The following HS3ST5 variants were observed in gnomAD, a reference collection of about 807,000 sequenced individuals.
HS3ST5 encodes the protein heparan sulfate glucosamine 3-O-sulfotransferase 5.
HS3ST5 carries 10 observed loss-of-function variants against 25.4 expected under a neutral mutation model. The ratio of observed to expected loss-of-function variants is 0.39; its 90% CI spans 0.24 to 0.67. The LOEUF (loss-of-function observed/expected upper bound fraction) is 0.67. HS3ST5 is among the 30% of genes least tolerant of loss of function. HS3ST5 has a pLI of 0.44. For missense variants in HS3ST5, 324 were observed against 420.7 expected, an observed-to-expected ratio of 0.77 and a Z score of 2.01; for synonymous variants, 170 against 162.4, an observed-to-expected ratio of 1.05 and a Z score of -0.36.
intron 1 of HS3ST5, among the ~76,000 whole-genome samples, chr6:114,253,238 C>T (rs1227290395): frequency 1.3e-5 from 2 of 152,052 alleles, no homozygotes; most frequent in Non-Finnish European, 2.9e-5. Flanking sequence ...TGCTTTAACC[C>T]AATATATGAA....
chr6:114,294,689 T>G (rs1299667894), intron 1 of HS3ST5, among the ~76,000 whole-genome samples: 1 of 152,154 alleles, frequency 6.6e-6, no homozygotes, highest in African/African-American at 2.4e-5. Context: ...CACCTCGGCC[T>G]CCCAAAGTGC....
intron 1 of HS3ST5, among the ~76,000 whole-genome samples, chr6:114,229,638 T>C (rs1011042871): frequency 1.3e-5 from 2 of 152,312 alleles, no homozygotes; most frequent in Middle Eastern, 3.4e-3. Context: ...CTGCTAAGAG[T>C]GGTCATGTGA....
At chr6:114,163,821 T>C (rs1779086107) in intron 3 of HS3ST5, among the ~76,000 whole-genome samples, 1 of 152,162 alleles carries the variant, frequency 6.6e-6, no homozygotes, top group Non-Finnish European at 1.5e-5. Flanking sequence ...TTTTCACTCC[T>C]AGCCTCTCTT....
chr6:114,145,420 C>A (rs1012981308), intron 3 of HS3ST5, among the ~76,000 whole-genome samples: 5 of 152,132 alleles, frequency 3.3e-5, no homozygotes, highest in Non-Finnish European at 7.4e-5. Flanking sequence ...CCTGGCTTAT[C>A]TGAGCCCTGG....
At chr6:114,238,079 A>ATTTG (rs1771941420) in intron 1 of HS3ST5, among the ~76,000 whole-genome samples, 1 of 152,252 alleles carries the variant, frequency 6.6e-6, no homozygotes, top group Non-Finnish European at 1.5e-5. Context: ...GGGAACACAA[A>ATTTG]GTTCACTGCT....
intron 1 of HS3ST5, among the ~76,000 whole-genome samples, chr6:114,300,100 G>C (rs1255795867): frequency 2.6e-5 from 4 of 151,284 alleles, no homozygotes; most frequent in Non-Finnish European, 5.9e-5. Context: ...ATTTTAGGCA[G>C]TCTTTTTTTT....
At chr6:114,180,594 T>C (rs1779927630) in intron 2 of HS3ST5, among the ~76,000 whole-genome samples, 1 of 152,194 alleles carries the variant, frequency 6.6e-6, no homozygotes, top group African/African-American at 2.4e-5. Flanking sequence ...GAGCCACTGC[T>C]GGCTTCCCGG....
At chr6:114,282,253 T>C (rs1478151640) in intron 1 of HS3ST5, among the ~76,000 whole-genome samples, 1 of 152,010 alleles carries the variant, frequency 6.6e-6, no homozygotes, top group Non-Finnish European at 1.5e-5. Flanking sequence ...CTCTCAAAAA[T>C]GTAACATGCA....
At chr6:114,284,517 T>TCTCTACTATG (rs1774254535) in intron 1 of HS3ST5, among the ~76,000 whole-genome samples, 1 of 151,926 alleles carries the variant, frequency 6.6e-6, no homozygotes, top group African/African-American at 2.4e-5. Context: ...TTATGACCAC[T>TCTCTACTATG]CTCTACTATG....
At chr6:114,273,711 A>T (rs1773727626) in intron 1 of HS3ST5, among the ~76,000 whole-genome samples, 1 of 152,052 alleles carries the variant, frequency 6.6e-6, no homozygotes, top group South Asian at 2.1e-4. Context: ...CCAATAGGTC[A>T]AATTGGATGA....
At chr6:114,106,808 A>G (rs1776014872) in intron 3 of HS3ST5, among the ~76,000 whole-genome samples, 1 of 152,148 alleles carries the variant, frequency 6.6e-6, no homozygotes, top group Non-Finnish European at 1.5e-5. Flanking sequence ...GAAAATAATT[A>G]ACAAGGAAAA....
chr6:114,341,171 G>GGAGGGA (rs569145025), intron 1 of HS3ST5, among the ~76,000 whole-genome samples: 1,473 of 82,588 alleles, frequency 0.018, 58 homozygotes, highest in African/African-American at 0.068. Context: ...GGGGAGGGAG[G>GGAGGGA]GAGGGAGAGG....
At position 114,057,789 on chromosome 6, in the gene HS3ST5, T is replaced by A. The variant is rs773885125; in HGVS notation, c.509A>T (p.Tyr170Phe). 1.2e-6 allele frequency: 2 copies of A among 1,614,208 alleles called. No individual in the cohort carries two copies. The highest frequency in any genetic ancestry group is 2.2e-5 in the South Asian group (2 of 91,084). ...FITEEVPERI[Y>F]KMNSSIKLLI... ...CAACTTGATGGATGAGTTCATTTTG[T>A]AAATCCTTTCTGGAACCTCCTCTGT... The change falls in exon 5 of 5, where the codon TAC (tyrosine) becomes TTC (phenylalanine). Residue 170 changes from tyrosine (Y) to phenylalanine (F), a missense_variant. By Grantham distance (22) the Tyr-to-Phe change is conservative. This residue lies in a region of HS3ST5 where 203 missense variants were observed against 303.4 expected (regional missense o/e 0.67). Transcript: ENST00000312719.
At chr6:114,313,528 T>C (rs1775623841) in intron 1 of HS3ST5, among the ~76,000 whole-genome samples, 1 of 152,180 alleles carries the variant, frequency 6.6e-6, no homozygotes, top group South Asian at 2.1e-4. Flanking sequence ...AGTAATGATA[T>C]ACACAATGAG....
At chr6:114,071,883 C>A (rs1329769907) in intron 3 of HS3ST5, among the ~76,000 whole-genome samples, 2 of 152,138 alleles carry the variant, frequency 1.3e-5, no homozygotes, top group African/African-American at 2.4e-5. Flanking sequence ...TTTTATGGAA[C>A]CATTAAAAAT....
chr6:114,126,323 C>A (rs1777036503), intron 3 of HS3ST5, among the ~76,000 whole-genome samples: 1 of 152,130 alleles, frequency 6.6e-6, no homozygotes, highest in Admixed American at 6.5e-5. Context: ...TACACGAAGT[C>A]CAACTTGACT....
intron 3 of HS3ST5, among the ~76,000 whole-genome samples, chr6:114,097,444 A>T (rs1196389403): frequency 6.6e-6 from 1 of 151,968 alleles, no homozygotes; most frequent in Non-Finnish European, 1.5e-5. Context: ...ATTACCAGGG[A>T]AGGAAATATT....
intron 1 of HS3ST5, among the ~76,000 whole-genome samples, chr6:114,277,225 T>G (rs1324435499): frequency 1.3e-5 from 2 of 151,092 alleles, no homozygotes; most frequent in Non-Finnish European, 3.0e-5. Flanking sequence ...TTTTTTTTTT[T>G]AATTCTTGAT....
chr6:114,092,218 C>G (rs1409886769), intron 3 of HS3ST5, among the ~76,000 whole-genome samples: 3 of 152,200 alleles, frequency 2.0e-5, no homozygotes, highest in Admixed American at 1.3e-4. Flanking sequence ...AGTGACATAA[C>G]CCATGCCTAC....
Sources: gnomAD v4.1 joint callset for allele counts (sites outside exome capture counted in the v4.1 genomes callset) on GRCh38, gnomAD v4.1.1 for gene constraint, gnomAD v4.1.1 regional missense constraint, MANE v1.5 for transcripts, NCBI Gene and HGNC (gene_info 2026-07-23, HGNC 2026-07-21) for gene names.